Variants in SLC24A2 observed in about 807,000 individuals in gnomAD.
SLC24A2 encodes sodium/potassium/calcium exchanger 2.
Under a neutral mutation model 62.0 loss-of-function variants are expected in SLC24A2, and 36 were observed. The observed-to-expected ratio is 0.58, with a 90% CI of 0.44 to 0.77. The LOEUF (loss-of-function observed/expected upper bound fraction) is 0.77, where lower values mean the gene tolerates loss of function less well. Among genes scored for constraint, SLC24A2 ranks in the 30% least tolerant of loss-of-function variants. SLC24A2 has a pLI of 0.00. For synonymous variants in SLC24A2, 358 were observed against 294.0 expected (o/e 1.22, Z -2.23); for missense variants, 846 against 817.9 (o/e 1.03, Z -0.42).
At chr9:19,885,850 C>G in the SLC24A2 span, among the ~76,000 whole-genome samples, 1 of 152,090 alleles carries the variant, frequency 6.6e-6, no homozygotes, top group Non-Finnish European at 1.5e-5. Flanking sequence ...ACATGTGGTA[C>G]TTGGTTTTCT....
At chr9:19,875,068 AT>A in the SLC24A2 span, among the ~76,000 whole-genome samples, 2 of 151,518 alleles carry the variant, frequency 1.3e-5, no homozygotes, top group Admixed American at 1.3e-4. Flanking sequence ...TAGCATTCAT[AT>A]GGTGACTTGA....
chr9:19,838,784 A>T, the SLC24A2 span, among the ~76,000 whole-genome samples: 5 of 151,060 alleles, frequency 3.3e-5, no homozygotes, highest in African/African-American at 9.7e-5. Context: ...AAAAAAAAAA[A>T]CCCTAGAAGA....
chr9:19,623,427 G>A (rs1817957961), intron 2 of SLC24A2, among the ~76,000 whole-genome samples: 1 of 152,124 alleles, frequency 6.6e-6, no homozygotes, highest in South Asian at 2.1e-4. Flanking sequence ...TTCTGTTTTA[G>A]GGTCTACCAC....
At chr9:20,191,518 G>C in the SLC24A2 span, among the ~76,000 whole-genome samples, 3 of 151,872 alleles carry the variant, frequency 2.0e-5, no homozygotes, top group Non-Finnish European at 4.4e-5. Context: ...AAAGCATTCC[G>C]ACAGTATCTG....
the SLC24A2 span, among the ~76,000 whole-genome samples, chr9:19,995,578 A>G: frequency 7.9e-5 from 12 of 152,364 alleles, no homozygotes; most frequent in African/African-American, 2.9e-4. Context: ...AAGAATGATC[A>G]TAACTAATGT....
At chr9:19,893,264 G>C in the SLC24A2 span, among the ~76,000 whole-genome samples, 1 of 152,138 alleles carries the variant, frequency 6.6e-6, no homozygotes, top group East Asian at 1.9e-4. Flanking sequence ...AGTCAATTCT[G>C]CTAGCCTTGC....
chr9:19,837,323 G>T, the SLC24A2 span, among the ~76,000 whole-genome samples: 1 of 150,762 alleles, frequency 6.6e-6, no homozygotes, highest in East Asian at 1.9e-4. Flanking sequence ...GCGGTGGCGG[G>T]CGCCTGTAGT....
intron 2 of SLC24A2, among the ~76,000 whole-genome samples, chr9:19,695,286 C>G (rs1028621350): frequency 6.6e-6 from 1 of 152,010 alleles, no homozygotes; most frequent in East Asian, 1.9e-4. Context: ...TAGAGTGAAG[C>G]CCACAGTTCA....
At chr9:19,833,623 C>T in the SLC24A2 span, among the ~76,000 whole-genome samples, 1 of 152,256 alleles carries the variant, frequency 6.6e-6, no homozygotes, top group Non-Finnish European at 1.5e-5. Context: ...GGAGGCCTGT[C>T]TGCCTCTGTA....
the SLC24A2 span, among the ~76,000 whole-genome samples, chr9:20,045,836 T>A: frequency 6.6e-6 from 1 of 152,200 alleles, no homozygotes; most frequent in African/African-American, 2.4e-5. Flanking sequence ...GTGTGCCTAA[T>A]CATACGGTGA....
At chr9:19,931,026 G>C in the SLC24A2 span, among the ~76,000 whole-genome samples, 2 of 152,146 alleles carry the variant, frequency 1.3e-5, no homozygotes, top group African/African-American at 2.4e-5. Flanking sequence ...AATAGTGATT[G>C]AAACCTCCAA....
chr9:19,837,176 G>T, the SLC24A2 span, among the ~76,000 whole-genome samples: 1 of 151,974 alleles, frequency 6.6e-6, no homozygotes, highest in Non-Finnish European at 1.5e-5. Flanking sequence ...ACAAGGGCCG[G>T]GTGCGGTGGC....
At chr9:19,707,486 G>A (rs201402276) in intron 2 of SLC24A2, among the ~76,000 whole-genome samples, 11 of 152,266 alleles carry the variant, frequency 7.2e-5, no homozygotes, top group Admixed American at 4.6e-4. Flanking sequence ...CTTGATGAAC[G>A]TTGATGCAAA....
At chr9:19,780,365 T>G (rs1822976892) in intron 2 of SLC24A2, among the ~76,000 whole-genome samples, 2 of 151,038 alleles carry the variant, frequency 1.3e-5, no homozygotes, top group Admixed American at 1.3e-4. Flanking sequence ...AAGCCCGGGT[T>G]CAAGCAATTC....
At chr9:19,516,725 A>C (rs1013210302) in intron 10 of SLC24A2, among the ~76,000 whole-genome samples, 6 of 152,222 alleles carry the variant, frequency 3.9e-5, no homozygotes, top group Admixed American at 3.9e-4. Flanking sequence ...AGTTGAGATT[A>C]AAATGTTGCT....
the SLC24A2 span, among the ~76,000 whole-genome samples, chr9:19,810,129 G>A: frequency 2.0e-5 from 3 of 152,170 alleles, no homozygotes; most frequent in Non-Finnish European, 2.9e-5. Context: ...AGAGTAAGTG[G>A]TATACTGAAG....
chr9:19,705,410 G>T (rs1420447118), intron 2 of SLC24A2: 1 of 165,112 alleles, frequency 6.1e-6, no homozygotes, highest in African/African-American at 2.4e-5. Context: ...CTGGGTGGTT[G>T]GGGCTGTGAT....
intron 7 of SLC24A2, among the ~76,000 whole-genome samples, chr9:19,553,619 C>T (rs1834946774): frequency 6.6e-6 from 1 of 152,132 alleles, no homozygotes; most frequent in Non-Finnish European, 1.5e-5. Flanking sequence ...GTCAGTGCAG[C>T]ATGCTGGGCA....
chr9:19,996,462 C>T, the SLC24A2 span, among the ~76,000 whole-genome samples: 16 of 152,100 alleles, frequency 1.1e-4, no homozygotes, highest in Admixed American at 8.5e-4. Flanking sequence ...CCATCAATGC[C>T]AGGTGCGGTG....
Sources: gnomAD v4.1 joint callset for allele counts (sites outside exome capture counted in the v4.1 genomes callset) on GRCh38, gnomAD v4.1.1 for gene constraint, MANE v1.5 for transcripts, NCBI Gene and HGNC (gene_info 2026-07-23, HGNC 2026-07-21) for gene names.